Variants in KLRG1 observed in about 807,000 individuals in gnomAD.
KLRG1 encodes the protein killer cell lectin-like receptor subfamily G member 1.
KLRG1 carries 16 observed loss-of-function variants against 21.8 expected under a neutral mutation model. The observed-to-expected ratio is 0.73, with a 90% confidence interval of 0.50 to 1.11. The LOEUF (loss-of-function observed/expected upper bound fraction) is 1.11, where lower values mean the gene tolerates loss of function less well. KLRG1 is among the 50% of genes most tolerant of loss of function. The pLI, the probability that KLRG1 is intolerant of heterozygous loss-of-function variation, is 0.00. For synonymous variants in KLRG1, 69 were observed against 75.9 expected (o/e 0.91, Z 0.47); for missense variants, 173 against 218.3 (o/e 0.79, Z 1.31).
chr12:9,066,912 C>T, the KLRG1 span: 46 of 152,196 alleles, frequency 3.0e-4, no homozygotes, highest in African/African-American at 9.4e-4. Context: ...CTGCTTTAAC[C>T]TTTCCTACTT....
the KLRG1 span, chr12:9,192,680 C>G: frequency 6.2e-7 from 1 of 1,613,890 alleles, no homozygotes; most frequent in Non-Finnish European, 8.5e-7. Context: ...GCTGAGCACC[C>G]TGGTGGTCTT....
the KLRG1 span, among the ~76,000 whole-genome samples, chr12:9,020,488 T>C: frequency 6.6e-6 from 1 of 152,258 alleles, no homozygotes; most frequent in Admixed American, 6.5e-5. Context: ...TCTAGAGTTT[T>C]ACAGTACATA....
At chr12:9,167,675 G>C in the KLRG1 span, 1 of 152,062 alleles carries the variant, frequency 6.6e-6, no homozygotes, top group African/African-American at 2.4e-5. Flanking sequence ...TCATATACCT[G>C]ATTCATTTAT....
the KLRG1 span, among the ~76,000 whole-genome samples, chr12:9,170,782 GT>G: frequency 6.6e-6 from 1 of 152,216 alleles, no homozygotes; most frequent in Admixed American, 6.5e-5. The surrounding 1 kb of genome is among the most constrained non-coding windows in gnomAD (Gnocchi z 4.6). Context: ...TCCTCATCGA[GT>G]GGGACCTTTC....
At chr12:9,200,508 A>G in the KLRG1 span, 1 of 1,297,856 alleles carries the variant, frequency 7.7e-7, no homozygotes, top group South Asian at 1.3e-5. Flanking sequence ...AAATACAAAT[A>G]ATTTCAGTAT....
At chr12:9,153,427 A>T in the KLRG1 span, 1 of 1,149,700 alleles carries the variant, frequency 8.7e-7, no homozygotes, top group Non-Finnish European at 1.3e-6. Context: ...TTAGCCTACC[A>T]TGAGGGAAGC....
the KLRG1 span, chr12:9,098,565 TG>T: frequency 1.3e-6 from 2 of 1,561,578 alleles, no homozygotes; most frequent in Non-Finnish European, 8.7e-7. Flanking sequence ...TCTGAGCCCC[TG>T]GCACGGCCCT....
At chr12:9,214,449 A>G in the KLRG1 span, among the ~76,000 whole-genome samples, 1 of 152,010 alleles carries the variant, frequency 6.6e-6, no homozygotes, top group African/African-American at 2.4e-5. Flanking sequence ...TTATCCGATT[A>G]AGTCTTCCAA....
the KLRG1 span, among the ~76,000 whole-genome samples, chr12:9,162,055 C>T: frequency 1.3e-5 from 2 of 152,038 alleles, no homozygotes; most frequent in Admixed American, 6.6e-5. Context: ...TCCCCCTGCC[C>T]GGCTCAAGCG....
chr12:9,046,897 C>T, the KLRG1 span, among the ~76,000 whole-genome samples: 2 of 152,122 alleles, frequency 1.3e-5, no homozygotes, highest in Admixed American at 6.6e-5. Flanking sequence ...CCTTGTCACC[C>T]AGGTTGGAGT....
the KLRG1 span, chr12:9,106,476 A>G: frequency 6.6e-7 from 1 of 1,525,378 alleles, no homozygotes; most frequent in Non-Finnish European, 9.0e-7. Context: ...TCTTATACCC[A>G]TGTAGTACAC....
chr12:9,123,474 A>C, the KLRG1 span, among the ~76,000 whole-genome samples: 1 of 152,162 alleles, frequency 6.6e-6, no homozygotes, highest in Admixed American at 6.5e-5. Flanking sequence ...GTTAGGGGGA[A>C]TAACAGCAGC....
chr12:9,110,157 G>T, the KLRG1 span: 2 of 1,190,616 alleles, frequency 1.7e-6, no homozygotes, highest in Non-Finnish European at 1.2e-6. Context: ...TAAAGGGTGA[G>T]TAGAGGAGAT....
the KLRG1 span, among the ~76,000 whole-genome samples, chr12:9,193,573 CTG>C: frequency 6.6e-6 from 1 of 152,062 alleles, no homozygotes; most frequent in South Asian, 2.1e-4. Context: ...ACACGTGAAA[CTG>C]AGAAACAGAA....
At chr12:9,053,522 T>C in the KLRG1 span, among the ~76,000 whole-genome samples, 1 of 152,170 alleles carries the variant, frequency 6.6e-6, no homozygotes, top group Non-Finnish European at 1.5e-5. Flanking sequence ...ACCAAAACTT[T>C]GGTTTGTAAA....
At chr12:8,985,339 C>T (rs963206514), upstream of KLRG1, among the ~76,000 whole-genome samples, 1 of 152,092 alleles carries the variant, frequency 6.6e-6, no homozygotes, top group Non-Finnish European at 1.5e-5. Context: ...ACCAGCACTA[C>T]CACAATTATC....
chr12:9,068,985 A>G, the KLRG1 span: 1 of 549,378 alleles, frequency 1.8e-6, no homozygotes, highest in Non-Finnish European at 3.1e-6. Context: ...TTGTGCAGAA[A>G]TCTCTCAGAG....
At chr12:9,171,810 T>A in the KLRG1 span, among the ~76,000 whole-genome samples, 296 of 152,034 alleles carry the variant, frequency 1.9e-3, 2 homozygotes, top group African/African-American at 6.9e-3. Flanking sequence ...TGAAAAGAAA[T>A]GAACAAAACC....
the KLRG1 span, among the ~76,000 whole-genome samples, chr12:9,187,485 C>T: frequency 1.8e-4 from 28 of 152,178 alleles, no homozygotes; most frequent in Non-Finnish European, 7.3e-5. Context: ...TCCACACTCT[C>T]GGACTACCAT....
Sources: allele counts gnomAD v4.1 joint callset (sites outside exome capture counted in the v4.1 genomes callset), GRCh38; gene constraint gnomAD v4.1.1; non-coding constraint Gnocchi (gnomAD v3.1); transcripts MANE v1.5; gene names NCBI Gene and HGNC (gene_info 2026-07-23, HGNC 2026-07-21).